The following TENM3 variants were observed in gnomAD, a reference collection of about 807,000 sequenced individuals.
TENM3 encodes teneurin-3.
Under a neutral mutation model 255.1 loss-of-function variants are expected in TENM3, and 63 were observed. The observed-to-expected ratio is 0.25, with a 90% CI of 0.20 to 0.30. The LOEUF is 0.30. Ranked by LOEUF, TENM3 falls within the 10% of genes least tolerant of loss-of-function variation. TENM3 has a pLI of 1.00. For missense variants in TENM3, 2,929 were observed against 3,461.1 expected, an observed-to-expected ratio of 0.85 and a Z score of 3.86; for synonymous variants, 1,306 against 1,322.3, an observed-to-expected ratio of 0.99 and a Z score of 0.27.
the TENM3 span, among the ~76,000 whole-genome samples, chr4:182,026,896 A>C: frequency 1.3e-5 from 2 of 152,056 alleles, no homozygotes; most frequent in Non-Finnish European, 2.9e-5. Context: ...AGGTAATATA[A>C]TTCCTTCAGT....
At chr4:182,757,981 T>C (rs544093885) in intron 22 of TENM3, among the ~76,000 whole-genome samples, 5 of 152,242 alleles carry the variant, frequency 3.3e-5, no homozygotes, top group African/African-American at 1.2e-4. Flanking sequence ...ATTTTATATA[T>C]ATCCATATAT....
chr4:182,303,701 C>G (rs1761973096), intron 1 of TENM3, among the ~76,000 whole-genome samples: 1 of 152,014 alleles, frequency 6.6e-6, no homozygotes, highest in Non-Finnish European at 1.5e-5. Context: ...ATTAAAAGAA[C>G]CAACCTTCTA....
At chr4:181,886,292 A>T in the TENM3 span, among the ~76,000 whole-genome samples, 6 of 151,994 alleles carry the variant, frequency 3.9e-5, no homozygotes, top group African/African-American at 1.2e-4. Flanking sequence ...ACCTCAAGTG[A>T]TCCGCCTACC....
chr4:181,456,547 A>G, the TENM3 span, among the ~76,000 whole-genome samples: 1,352 of 152,038 alleles, frequency 8.9e-3, 24 homozygotes, highest in African/African-American at 0.031. Context: ...TAGTATCTCT[A>G]TATCAACTCT....
intron 3 of TENM3, among the ~76,000 whole-genome samples, chr4:182,563,692 TA>T (rs1743466489): frequency 6.6e-6 from 1 of 152,166 alleles, no homozygotes; most frequent in Non-Finnish European, 1.5e-5. Flanking sequence ...TCCTACACAT[TA>T]AAAGTATCTT....
At chr4:181,605,554 GAAAGAA>G in the TENM3 span, among the ~76,000 whole-genome samples, 13 of 28,196 alleles carry the variant, frequency 4.6e-4, no homozygotes, top group African/African-American at 9.3e-4. Flanking sequence ...AAGAAAGAAA[GAAAGAA>G]AGAAAGAAAG....
At chr4:182,084,262 C>A in the TENM3 span, among the ~76,000 whole-genome samples, 1 of 152,220 alleles carries the variant, frequency 6.6e-6, no homozygotes, top group East Asian at 1.9e-4. Flanking sequence ...AATGAAAGGT[C>A]CCGTCCAATC....
At chr4:181,703,739 C>A in the TENM3 span, among the ~76,000 whole-genome samples, 31 of 152,262 alleles carry the variant, frequency 2.0e-4, no homozygotes, top group African/African-American at 7.0e-4. Flanking sequence ...TTTCGTTTTC[C>A]TCTTGGCATC....
the TENM3 span, among the ~76,000 whole-genome samples, chr4:182,052,178 C>T: frequency 6.6e-6 from 1 of 152,096 alleles, no homozygotes; most frequent in African/African-American, 2.4e-5. Context: ...ACTTAAGTCG[C>T]CTCTTACAAG....
the TENM3 span, among the ~76,000 whole-genome samples, chr4:181,561,372 T>C: frequency 1.3e-5 from 2 of 152,164 alleles, no homozygotes; most frequent in Non-Finnish European, 2.9e-5. Flanking sequence ...AAATTGAAAT[T>C]GAAATTGAGA....
chr4:182,451,689 C>A (rs1031450269), intron 3 of TENM3, among the ~76,000 whole-genome samples: 4 of 152,098 alleles, frequency 2.6e-5, no homozygotes, highest in African/African-American at 9.7e-5. Context: ...CAGAAAATGA[C>A]CCAAATTAAA....
At chr4:182,067,083 T>C in the TENM3 span, among the ~76,000 whole-genome samples, 1 of 152,118 alleles carries the variant, frequency 6.6e-6, no homozygotes, top group African/African-American at 2.4e-5. Context: ...GTCCTTTCTG[T>C]CTTTCCCCCT....
chr4:182,201,116 C>T lies in TENM3; in HGVS notation c.-76+56362C>T, dbSNP rs531286391. On this transcript the variant is annotated intron_variant, in intron 1 of 2. Coordinates refer to the TENM3 transcript ENST00000512480. The stretch of plus-strand genomic sequence containing the variant: ...CTAGGATTATAGGTGTGAGCCACCA[C>T]GCCCAGCCTAGAGTTCCTTTTTTAA... Among the ~76,000 whole-genome samples, 6 of 152,224 alleles carry T rather than the reference C, an allele frequency of 3.9e-5. No homozygotes were observed. In the East Asian group the frequency reaches 7.7e-4, roughly 20 times the overall value.
the TENM3 span, among the ~76,000 whole-genome samples, chr4:182,116,610 C>G: frequency 6.6e-6 from 1 of 152,154 alleles, no homozygotes; most frequent in East Asian, 1.9e-4. Context: ...CCTGAGGCCT[C>G]CCCACCCATG....
the TENM3 span, among the ~76,000 whole-genome samples, chr4:182,076,213 C>CTTCTTT: frequency 3.2e-5 from 4 of 126,362 alleles, no homozygotes; most frequent in Non-Finnish European, 4.9e-5. Context: ...TCTTCTTCTT[C>CTTCTTT]TTTTTTTTTT....
chr4:181,600,457 C>A, the TENM3 span, among the ~76,000 whole-genome samples: 1 of 152,276 alleles, frequency 6.6e-6, no homozygotes, highest in South Asian at 2.1e-4. Context: ...TGAGAGAAGA[C>A]TGGACCCTCC....
chr4:182,520,109 T>A (rs1019275064), intron 3 of TENM3, among the ~76,000 whole-genome samples: 2 of 152,052 alleles, frequency 1.3e-5, no homozygotes, highest in African/African-American at 4.8e-5. Context: ...TTTTTAAAAA[T>A]GAAATTTGAA....
chr4:182,289,337 G>A (rs189985525), intron 1 of TENM3, among the ~76,000 whole-genome samples: 4 of 152,330 alleles, frequency 2.6e-5, no homozygotes, highest in East Asian at 1.9e-4. Context: ...TATCTACAGC[G>A]GCCTGTTCCT....
chr4:182,789,452 C>T lies in TENM3; in HGVS notation c.5601+63C>T. The T allele has an allele frequency of 6.8e-7, 1 of 1,479,588 alleles. No individual in the cohort carries two copies. Among genetic ancestry groups the T allele is most frequent in the South Asian group, 1.3e-5 (1 of 76,264 alleles). The allele number at this position is 1,479,588 out of a possible 1,614,324, so 91.7% of individuals were successfully genotyped here. On this transcript the variant is annotated intron_variant, in intron 25 of 27. Transcript: ENST00000511685. This position sits in a 1 kb window ranked among gnomAD's most constrained non-coding sequence, Gnocchi z 4.4. ...TAATTCACATTTTTCAGCAATCATC[C>T]AGAGCACTAAGGGGAAAAAAAACAG... is the stretch of plus-strand genomic sequence containing the variant.
Sources: allele counts gnomAD v4.1 joint callset (sites outside exome capture counted in the v4.1 genomes callset), GRCh38; gene constraint gnomAD v4.1.1; non-coding constraint Gnocchi (gnomAD v3.1); transcripts MANE v1.5; gene names NCBI Gene and HGNC (gene_info 2026-07-23, HGNC 2026-07-21).